MST1: variants seen among roughly 807,000 people sequenced by gnomAD.
The protein encoded by MST1 is macrophage stimulating 1, also known as hepatocyte growth factor-like protein.
Under a neutral mutation model 100.1 loss-of-function variants are expected in MST1, and 76 were observed. The ratio of observed to expected loss-of-function variants is 0.76; its 90% CI spans 0.63 to 0.92. MST1 has a LOEUF of 0.92. Among genes scored for constraint, MST1 ranks in the 40% least tolerant of loss-of-function variants. The pLI is 0.00. For synonymous variants in MST1, 352 were observed against 385.4 expected (o/e 0.91, Z 1.01); for missense variants, 850 against 990.0 (o/e 0.86, Z 1.90).
At chr3:49,688,058 T>C (rs1575507806) in intron 1 of MST1, 161 bp from the exon 2 acceptor site, 2 of 1,205,694 alleles carry the variant, frequency 1.7e-6, no homozygotes, top group Non-Finnish European at 1.1e-6. Flanking sequence ...CCTGCACAGA[T>C]ACTTGTGAAA....
intron 13 of MST1, 29 bp from the exon 14 acceptor site, chr3:49,685,118 A>G (rs772242763): frequency 1.3e-5 from 21 of 1,606,802 alleles, no homozygotes; most frequent in Admixed American, 6.8e-5. Context: ...AGGACAGGTA[A>G]CAGACTCCTG....
At chr3:49,687,535 C>T (rs778095420) in intron 3 of MST1, 21 bp downstream of exon 3, 2 of 1,613,438 alleles carry the variant, frequency 1.2e-6, no homozygotes, top group East Asian at 2.2e-5. Flanking sequence ...TCCCACCCTG[C>T]CCCTCTCCAC....
chr3:49,686,552 C>T, intron 7 of MST1, 71 bp from the exon 8 acceptor site: 1 of 1,586,682 alleles, frequency 6.3e-7, no homozygotes, highest in African/African-American at 1.3e-5. Flanking sequence ...ACCAAACCCG[C>T]CTTTCCCAGG....
rs980519508 is a variant in MST1 at position 49,689,473 on chromosome 3, T to C, written c.-782A>G. On this transcript the variant is annotated 5_prime_UTR_variant, in exon 1 of 18. Transcript: ENST00000449682. The stretch of plus-strand genomic sequence containing the variant: ...ATGGAGGGGGTCCCCTAGCGGAGGC[T>C]GGGCGCGGGCCAGTGCGCGTGCGCG... The C allele has an allele frequency of 2.6e-5, 4 of 152,334 alleles. No homozygotes were observed. The highest frequency in any genetic ancestry group is 9.7e-5 in the African/African-American group (4 of 41,446). 9.4% of individuals were successfully genotyped at this position (152,334 alleles called of 1,614,324 possible).
At chr3:49,686,224 C>T in intron 8 of MST1, 32 bp from the exon 9 acceptor site, 2 of 1,610,898 alleles carry the variant, frequency 1.2e-6, no homozygotes, top group Non-Finnish European at 1.7e-6. Flanking sequence ...CCCTAGCCCG[C>T]CAGCCTCCAG....
In MST1 at chr3:49,685,725, A is replaced by T. The variant is rs1470349257; in HGVS notation, c.1258T>A (p.Phe420Ile). 15 of 1,613,218 alleles carry T rather than the reference A, an allele frequency of 9.3e-6. No homozygotes were observed. The highest frequency in any genetic ancestry group is 1.2e-5 in the Non-Finnish European group (14 of 1,179,834). Residue 420 changes from phenylalanine (F) to isoleucine (I), a missense_variant, in exon 11 of 18, where the codon TTT becomes ATT. Phe to Ile is a conservative substitution (Grantham distance 21). Coordinates refer to ENST00000449682, the MANE Select transcript of MST1 (RefSeq NM_020998.4). ...AETPHKPQFT[F>I]TSEPHAQLEE... Reference sequence around the variant, plus strand: ...AGTTGTGCATGCGGTTCGGAGGTAAACGTGAACCTAGGCGGAAGCGGGAGC... The same window carrying T: ...AGTTGTGCATGCGGTTCGGAGGTAATCGTGAACCTAGGCGGAAGCGGGAGC...
rs747944031 is a variant in MST1 at position 49,687,709 on chromosome 3, T to C, written c.242+41A>G. 1.9e-6 allele frequency: 3 copies of C among 1,613,478 alleles called. No homozygotes were observed. In the South Asian group the frequency reaches 3.3e-5, roughly 18 times the overall value. On this transcript the variant is annotated intron_variant, in intron 2 of 17. Transcript: ENST00000449682. Reference sequence around the variant, plus strand: ...CACAGGGTAACGCCACAGCCCAGGCTTCCCTGCCCCCAGTCTTATCTAGGC... The same window carrying C: ...CACAGGGTAACGCCACAGCCCAGGCCTCCCTGCCCCCAGTCTTATCTAGGC...
chr3:49,686,025 C>G (rs1463744965), intron 9 of MST1, 37 bp downstream of exon 9: 1 of 1,605,368 alleles, frequency 6.2e-7, no homozygotes, highest in Admixed American at 1.7e-5. Context: ...TTCCAGGCTT[C>G]CAGCCCGGCT....
Position 49,688,763 on chromosome 3 carries a change from GGACCCT to G in MST1, c.-78_-73del. The G allele has an allele frequency of 7.8e-7, 1 of 1,282,460 alleles. No homozygotes were observed. The highest frequency in any genetic ancestry group is 1.1e-6 in the Non-Finnish European group (1 of 921,578). The allele number at this position is 1,282,460 out of a possible 1,614,324, so 79.4% of individuals were successfully genotyped here. ...TCCACACGTCAGCTCAGGGCCTGCT[GGACCCT>G]GACCTGAGACCTGGTGACAGGAGCC... On this transcript the variant is annotated 5_prime_UTR_variant, in exon 1 of 18. Coordinates refer to ENST00000449682, the MANE Select transcript of MST1 (RefSeq NM_020998.4).
In MST1 at chr3:49,686,432, G is replaced by A. The variant is rs1353774617; in HGVS notation, c.897C>T (p.Arg299=). The A allele has an allele frequency of 6.2e-7, 1 of 1,612,708 alleles. No homozygotes were observed. The highest frequency in any genetic ancestry group is 1.1e-5 in the South Asian group (1 of 91,050). ...RQEATTVSCF[R]GKGEGYRGTA... ...TGCCCCGGTAGCCCTCACCCTTCCCGCGGAAGCAGCTGACAGTTGTGGCCT... is the reference window on the plus strand; with the variant it reads ...TGCCCCGGTAGCCCTCACCCTTCCCACGGAAGCAGCTGACAGTTGTGGCCT... Residue 299 remains arginine, a synonymous_variant, in exon 8 of 18, where the codon CGC becomes CGT. Transcript: ENST00000449682.
In MST1 at chr3:49,687,603, T is replaced by C; in HGVS notation, c.308A>G (p.His103Arg). 2 of 1,613,590 alleles carry C rather than the reference T, an allele frequency of 1.2e-6. No homozygotes were observed. Among genetic ancestry groups the C allele is most frequent in the Non-Finnish European group, 1.7e-6 (2 of 1,179,860 alleles). ...QLLPWTQHSP[H>R]TRLRRSGRCD... ...GCGCCCAGAACGCCGCAGCCTCGTG[T>C]GGGGCGAGTGTTGAGTCCATGGCAG... The change falls in exon 3 of 18, where the codon CAC (histidine) becomes CGC (arginine). Residue 103 changes from histidine (H) to arginine (R), a missense_variant. Coordinates refer to ENST00000449682, the MANE Select transcript of MST1 (RefSeq NM_020998.4).
Position 49,687,415 on chromosome 3 carries a change from A to C in MST1, c.419T>G (p.Val140Gly). 6.2e-7 allele frequency: 1 copy of C among 1,613,402 alleles called. No individual in the cohort carries two copies. ...VGYRGTMATT[V>G]GGLPCQAWSH... is the part of the protein sequence containing the mutation. ...CCAAGCCTGGCAGGGCAGGCCACCC[A>C]CGGTCGTGGCCATGGTGCCCCGGTA... The change falls in exon 4 of 18, where the codon GTG (valine) becomes GGG (glycine). Residue 140 changes from valine (V) to glycine (G), a missense_variant. Physicochemically the swap from Val to Gly is moderately radical, Grantham distance 109. Coordinates refer to ENST00000449682, the MANE Select transcript of MST1 (RefSeq NM_020998.4).
rs1225484117 is a variant in MST1 at position 49,685,596 on chromosome 3, C to T, written c.1387G>A (p.Ala463Thr). ...PFDYCALRRC[A>T]DDQPPSILDP... Reference sequence around the variant, plus strand: ...TGGGGGAAGCGTCACTAGTGCTCACCGCAGCGTCGCAGGGCACAGTAGTCG... The same window carrying T: ...TGGGGGAAGCGTCACTAGTGCTCACTGCAGCGTCGCAGGGCACAGTAGTCG... The change falls in exon 11 of 18, where the codon GCT becomes ACT. Residue 463 changes from alanine to threonine, a missense_variant and splice_region_variant. Coordinates refer to ENST00000449682, the MANE Select transcript of MST1 (RefSeq NM_020998.4). The T allele has an allele frequency of 8.1e-6, 13 of 1,613,188 alleles. No homozygotes were observed. The highest frequency in any genetic ancestry group is 2.2e-5 in the East Asian group (1 of 44,894).
chr3:49,686,289 G>GGGGGGGGGGGGGGCCCCCCCCCC, intron 8 of MST1, 24 bp downstream of exon 8: 3 of 1,235,658 alleles, frequency 2.4e-6, no homozygotes, highest in Non-Finnish European at 3.2e-6. Context: ...ACGTCCCAAC[G>GGGGGGGGGGGGGGCCCCCCCCCC]CCCGCCCCCC....
chr3:49,687,327 G>T (rs1162604414), intron 4 of MST1, 37 bp downstream of exon 4: 5 of 1,613,466 alleles, frequency 3.1e-6, no homozygotes, highest in South Asian at 1.1e-5. Flanking sequence ...CTGGGGGAAG[G>T]CCCCAGGCCG....
intron 1 of MST1, 88 bp from the exon 2 acceptor site, chr3:49,687,985 G>C (rs2053934603): frequency 6.9e-7 from 1 of 1,440,680 alleles, no homozygotes; most frequent in African/African-American, 1.5e-5. Context: ...TTCATTCAGG[G>C]GATCAAAGCT....
In MST1 at chr3:49,687,080, A is replaced by T; in HGVS notation, c.608-13T>A. On this transcript the variant is annotated splice_polypyrimidine_tract_variant and intron_variant, in intron 5 of 17. Transcript: ENST00000449682. ...CAGACACACGCGGCTGGAGACAAAG[A>T]GCCAGTGGGTTCGTGGATGGACGTG... The T allele has an allele frequency of 6.2e-7, 1 of 1,612,602 alleles. No homozygotes were observed. The highest frequency in any genetic ancestry group is 8.5e-7 in the Non-Finnish European group (1 of 1,179,788).
chr3:49,685,046 A>G lies in MST1; in HGVS notation c.1588T>C (p.Trp530Arg), dbSNP rs1413700272. 3.1e-6 allele frequency: 5 copies of G among 1,611,726 alleles called. No individual in the cohort carries two copies. The South Asian group carries it at 5.5e-5, about 18-fold the overall frequency. The change falls in exon 14 of 18, where the codon TGG (tryptophan) becomes CGG (arginine). Residue 530 changes from tryptophan (W) to arginine (R), a missense_variant. Trp to Arg is a moderately radical substitution (Grantham distance 101). Coordinates refer to ENST00000449682, the MANE Select transcript of MST1 (RefSeq NM_020998.4). ...FCGGSLVKEQ[W>R]ILTARQCFSS... ...AAGCACTGCCGGGCAGTCAGTATCC[A>G]CTGCTCCTTCACTAGAGACCCCCCG... is the stretch of plus-strand genomic sequence containing the variant.
In MST1 at chr3:49,687,537, C is replaced by A; in HGVS notation, c.355+19G>T. 1 of 1,613,458 alleles carries A rather than the reference C, an allele frequency of 6.2e-7. No individual in the cohort carries two copies. Among genetic ancestry groups the A allele is most frequent in the South Asian group, 1.1e-5 (1 of 91,062 alleles). On this transcript the variant is annotated intron_variant, in intron 3 of 17. Transcript: ENST00000449682. ...GAGGTCCCCTGTCTCCCACCCTGCC[C>A]CTCTCCACCCCCACTTGCCTTTCTT...
Sources: gnomAD v4.1 joint callset for allele counts on GRCh38, gnomAD v4.1.1 for gene constraint, MANE v1.5 for transcripts, NCBI Gene and HGNC (gene_info 2026-07-23, HGNC 2026-07-21) for gene names.